U2SURP: variants seen among roughly 807,000 people sequenced by gnomAD.
U2SURP encodes the protein U2 snRNP associated SURP domain containing.
Under a neutral mutation model 144.9 loss-of-function variants are expected in U2SURP, and 9 were observed. That is an observed-to-expected ratio of 0.06 (90% CI 0.04 to 0.11). The LOEUF (loss-of-function observed/expected upper bound fraction) is 0.11, where lower values mean the gene tolerates loss of function less well. Among genes scored for constraint, U2SURP ranks in the 10% least tolerant of loss-of-function variants. The pLI is 1.00. For missense variants in U2SURP, 724 were observed against 1,226.7 expected (o/e 0.59, Z 6.12); for synonymous variants, 408 against 396.8 (o/e 1.03, Z -0.33).
chr3:143,001,794 G>T (rs1473631100), intron 1 of U2SURP, 121 bp downstream of exon 1: 1 of 1,322,122 alleles, frequency 7.6e-7, no homozygotes, highest in East Asian at 2.5e-5. Context: ...GCGACGGTAG[G>T]CCCGGGCGCC....
chr3:143,031,901 G>T (rs1933521778), intron 16 of U2SURP, among the ~76,000 whole-genome samples: 2 of 152,076 alleles, frequency 1.3e-5, no homozygotes, highest in African/African-American at 4.8e-5. Context: ...GTAATCCTAG[G>T]ATCTGCAAAC....
intron 24 of U2SURP, among the ~76,000 whole-genome samples, chr3:143,047,293 C>T (rs1328527210): frequency 5.7e-5 from 2 of 35,316 alleles, no homozygotes; most frequent in African/African-American, 5.1e-4. Flanking sequence ...ACCTCCCTCC[C>T]GGACGGGGCG....
chr3:143,033,093 C>A, intron 17 of U2SURP, 147 bp downstream of exon 17: 1 of 1,004,234 alleles, frequency 1.0e-6, no homozygotes, highest in Non-Finnish European at 1.4e-6. Context: ...GGTTCATTAA[C>A]ATACAAGTTA....
chr3:143,027,265 T>G lies in U2SURP; in HGVS notation c.1379+12T>G, dbSNP rs1176034791. 1.2e-6 allele frequency: 2 copies of G among 1,600,954 alleles called. No homozygotes were observed. The highest frequency in any genetic ancestry group is 2.2e-5 in the South Asian group (2 of 90,332). Reference sequence around the variant, plus strand: ...AATCCTATGTTCAGGTGTGCATTTTTTAAAAATTGTGAAATATATGTAACA... The same window carrying G: ...AATCCTATGTTCAGGTGTGCATTTTGTAAAAATTGTGAAATATATGTAACA... On this transcript the variant is annotated intron_variant, in intron 14 of 27. Transcript: ENST00000473835.
rs1933286953 is a variant in U2SURP, at chr3:143,028,533, T to C, written c.1497T>C (p.Asn499=). ...WRTEDFRMFK[N]GSFWRPPPLN... The stretch of plus-strand genomic sequence containing the variant: ...CGGAAGATTTTCGTATGTTCAAAAA[T>C]GGATCTTTTTGGAGGCCACCACCAT... Residue 499 remains asparagine, a synonymous_variant, in exon 16 of 28, where the codon AAT becomes AAC. Transcript: ENST00000473835. The C allele has an allele frequency of 1.3e-6, 2 of 1,591,976 alleles. No homozygotes were observed. The highest frequency in any genetic ancestry group is 8.5e-7 in the Non-Finnish European group (1 of 1,174,318).
At chr3:143,034,626 GC>G (rs1171302279) in intron 18 of U2SURP, 2 of 248,304 alleles carry the variant, frequency 8.1e-6, no homozygotes, top group Non-Finnish European at 1.5e-5. Context: ...AGATGGTTCA[GC>G]ATATCCTAGA....
chr3:143,021,354 C>G lies in U2SURP; in HGVS notation c.738C>G (p.Asp246Glu). ...SDSDGQRRSM[D>E]APSRRNRSSG... ...TCTTCTTTTCTCCCCTTTAAGTGGACGCGCCTTCAAGAAGAAATAGATCAT... is the reference window on the plus strand; with the variant it reads ...TCTTCTTTTCTCCCCTTTAAGTGGAGGCGCCTTCAAGAAGAAATAGATCAT... The change falls in exon 9 of 28, where the codon GAC becomes GAG. Residue 246 changes from aspartate to glutamate, a missense_variant. Coordinates refer to ENST00000473835, the MANE Select transcript of U2SURP (RefSeq NM_001080415.2). 1.9e-6 allele frequency: 3 copies of G among 1,595,250 alleles called. No homozygotes were observed. In the African/African-American group the frequency reaches 4.0e-5, roughly 21 times the overall value.
chr3:143,018,522 CT>C (rs1001515260), intron 6 of U2SURP, among the ~76,000 whole-genome samples: 9 of 151,938 alleles, frequency 5.9e-5, no homozygotes, highest in African/African-American at 2.2e-4. Flanking sequence ...CATGTGTGGG[CT>C]TTTTTTGTGT....
intron 10 of U2SURP, 21 bp from the exon 11 acceptor site, chr3:143,022,476 A>G (rs1185772678): frequency 2.1e-6 from 3 of 1,455,330 alleles, no homozygotes; most frequent in Non-Finnish European, 2.7e-6. Context: ...CATAATAAAA[A>G]TCTTTTACCC....
chr3:143,009,135 C>T (rs1447203438), intron 1 of U2SURP, among the ~76,000 whole-genome samples: 3 of 152,068 alleles, frequency 2.0e-5, no homozygotes, highest in Non-Finnish European at 2.9e-5. Flanking sequence ...TTTTAAATTT[C>T]TAGATATTTG....
intron 27 of U2SURP, 85 bp downstream of exon 27, chr3:143,055,204 AC>A: frequency 3.1e-6 from 4 of 1,290,002 alleles, no homozygotes; most frequent in Non-Finnish European, 4.2e-6. Context: ...TGGTTGGCAT[AC>A]ATTTTTTTTT....
At chr3:143,038,818 C>A in intron 22 of U2SURP, 76 bp from the exon 23 acceptor site, 1 of 1,068,996 alleles carries the variant, frequency 9.4e-7, no homozygotes, top group Non-Finnish European at 1.3e-6. Context: ...AATTCTAAAG[C>A]TTGAGCTTCC....
At chr3:143,015,742 G>A (rs931695329) in intron 4 of U2SURP, among the ~76,000 whole-genome samples, 9 of 151,882 alleles carry the variant, frequency 5.9e-5, no homozygotes, top group Admixed American at 6.6e-5. Context: ...GTTCATACAT[G>A]TTTTGGGGAC....
Position 143,058,711 on chromosome 3 carries a change from T to C in U2SURP, c.*2261T>C, listed in dbSNP as rs1366271357. The C allele has an allele frequency of 1.3e-5, 2 of 151,914 alleles. No homozygotes were observed. The highest frequency in any genetic ancestry group is 4.8e-5 in the African/African-American group (2 of 41,426). 9.4% of individuals were successfully genotyped at this position (151,914 alleles called of 1,614,324 possible). ...AATGGGATCAGAAATTGGTGACTTA[T>C]AAGGGGGAAGATATTCTACCATATT... On this transcript the variant is annotated 3_prime_UTR_variant, in exon 28 of 28. Coordinates refer to ENST00000473835, the MANE Select transcript of U2SURP (RefSeq NM_001080415.2).
chr3:143,034,899 A>G lies in U2SURP; in HGVS notation c.1865A>G (p.Lys622Arg), dbSNP rs200396401. ...ASYYRKFFET[K>R]LCQIFSDLNA... ...TATTTGAATTTCAGTTTTGAAACAAAGTTATGTCAGATATTTTCAGACCTC... is the reference window on the plus strand; with the variant it reads ...TATTTGAATTTCAGTTTTGAAACAAGGTTATGTCAGATATTTTCAGACCTC... Residue 622 changes from lysine to arginine, a missense_variant, in exon 19 of 28, where the codon AAG (lysine) becomes AGG (arginine). Transcript: ENST00000473835. 9 of 1,597,698 alleles carry G rather than the reference A, an allele frequency of 5.6e-6. No individual in the cohort carries two copies. In the East Asian group the frequency reaches 2.0e-4, roughly 36 times the overall value.
At position 143,038,145 on chromosome 3, in the gene U2SURP, A is replaced by G. The variant is rs1458469089; in HGVS notation, c.2259A>G (p.Ile753Met). ...ATEDSKKNEP[I>M]FKVAPSKWEA... ...AAGACTCAAAAAAGAATGAGCCTAT[A>G]TTTAAAGTTGCCCCATCAAAATGGG... is the stretch of plus-strand genomic sequence containing the variant. Residue 753 changes from isoleucine to methionine, a missense_variant, in exon 22 of 28, where the codon ATA (isoleucine) becomes ATG (methionine). By Grantham distance (10) the Ile-to-Met change is conservative. Transcript: ENST00000473835. 2 of 1,608,344 alleles carry G rather than the reference A, an allele frequency of 1.2e-6. No homozygotes were observed. Among genetic ancestry groups the G allele is most frequent in the African/African-American group, 2.7e-5 (2 of 74,776 alleles).
At position 143,019,890 on chromosome 3, in the gene U2SURP, T is replaced by C. The variant is rs573353876; in HGVS notation, c.571-79T>C. On this transcript the variant is annotated intron_variant, in intron 6 of 27. Coordinates refer to ENST00000473835, the MANE Select transcript of U2SURP (RefSeq NM_001080415.2). ...GAACATACAATTTGTACTGAAATGA[T>C]GTAAAAAGGCTCTTATTATTGAATC... 4.1e-4 allele frequency: 280 copies of C among 674,788 alleles called. 4 individuals are homozygous for C. In the East Asian group the frequency reaches 9.1e-3, roughly 22 times the overall value. 41.8% of individuals were successfully genotyped at this position (674,788 alleles called of 1,614,324 possible). A position where few individuals can be genotyped will look rare whatever the true frequency, so the allele number is the denominator to read the frequency against.
At chr3:143,019,915 C>T (rs138889920) in intron 6 of U2SURP, 54 bp from the exon 7 acceptor site, 3 of 972,454 alleles carry the variant, frequency 3.1e-6, no homozygotes. Flanking sequence ...ATTATTGAAT[C>T]ATTGGTTTTG....
At position 143,060,603 on chromosome 3, in the gene U2SURP, T is replaced by G. The variant is rs1472365335; in HGVS notation, c.*4153T>G. On this transcript the variant is annotated 3_prime_UTR_variant, in exon 28 of 28. Transcript: ENST00000473835. ...GTTTTTCCGATGCAAGCCCAGTTAA[T>G]AATTAGTTTTTTAGCAGCTTTCTCT... 6.6e-6 allele frequency: 1 copy of G among 152,022 alleles called. No homozygotes were observed. Among genetic ancestry groups the G allele is most frequent in the East Asian group, 1.9e-4 (1 of 5,206 alleles). 9.4% of individuals were successfully genotyped at this position (152,022 alleles called of 1,614,324 possible).
Sources: allele counts gnomAD v4.1 joint callset (sites outside exome capture counted in the v4.1 genomes callset), GRCh38; gene constraint gnomAD v4.1.1; transcripts MANE v1.5; gene names NCBI Gene and HGNC (gene_info 2026-07-23, HGNC 2026-07-21).